FAM186A: variants seen among roughly 807,000 people sequenced by gnomAD.
The protein encoded by FAM186A is family with sequence similarity 186 member A.
FAM186A carries 163 observed loss-of-function variants against 216.8 expected under a neutral mutation model. The observed-to-expected ratio is 0.75, with a 90% CI of 0.66 to 0.86. The LOEUF is 0.86. FAM186A is among the 40% of genes least tolerant of loss of function. The probability of loss-of-function intolerance (pLI) is 0.00; values close to 1 mark genes in which losing one functional copy is unlikely to be tolerated. For missense variants in FAM186A, 2,184 were observed against 2,746.2 expected, an observed-to-expected ratio of 0.80 and a Z score of 4.58; for synonymous variants, 805 against 1,025.3, an observed-to-expected ratio of 0.79 and a Z score of 4.10.
At position 50,351,268 on chromosome 12, in the gene FAM186A, G is replaced by A. The variant is rs774143221; in HGVS notation, c.5564C>T (p.Pro1855Leu). Reference sequence around the variant, plus strand: ...AACTAAGGGCTGCCCAGGAGAAAGAGGAGCCCAGAGACTTGGAATCTGTCC... The same window carrying A: ...AACTAAGGGCTGCCCAGGAGAAAGAAGAGCCCAGAGACTTGGAATCTGTCC... ...TSGQIPSLWA[P>L]LSPGQPLVPE... Residue 1855 changes from proline to leucine, a missense_variant, in exon 4 of 8, where the codon CCT (proline) becomes CTT (leucine). Coordinates refer to ENST00000327337, the MANE Select transcript of FAM186A (RefSeq NM_001145475.3). 3 of 1,550,434 alleles carry A rather than the reference G, an allele frequency of 1.9e-6. No homozygotes were observed. The highest frequency in any genetic ancestry group is 1.2e-5 in the South Asian group (1 of 83,960).
intron 1 of FAM186A, among the ~76,000 whole-genome samples, chr12:50,380,110 T>A (rs944486752): frequency 6.6e-6 from 1 of 152,218 alleles, no homozygotes; most frequent in African/African-American, 2.4e-5. Context: ...AACCAACCTG[T>A]ATTTGGGCTG....
Position 50,331,716 on chromosome 12 carries a change from A to G in FAM186A, c.6802T>C (p.Leu2268=). ...TTFVQKPFLK[L]LMEEDRTSDI... ...GAGGTTCTGTCCTCTTCCATTAGTAATTTTAAGAATGGCTTTTGAACAAAT... is the reference window on the plus strand; with the variant it reads ...GAGGTTCTGTCCTCTTCCATTAGTAGTTTTAAGAATGGCTTTTGAACAAAT... Residue 2268 remains leucine, a synonymous_variant, in exon 6 of 8, where the codon TTA becomes CTA. Coordinates refer to ENST00000327337, the MANE Select transcript of FAM186A (RefSeq NM_001145475.3). 1.3e-6 allele frequency: 2 copies of G among 1,549,338 alleles called. No homozygotes were observed. The highest frequency in any genetic ancestry group is 1.7e-6 in the Non-Finnish European group (2 of 1,146,588).
At chr12:50,394,201 G>A (rs754163143) in intron 1 of FAM186A, among the ~76,000 whole-genome samples, 2 of 152,132 alleles carry the variant, frequency 1.3e-5, no homozygotes, top group Non-Finnish European at 2.9e-5. Flanking sequence ...TTACAGGCAT[G>A]AGCTACTTAC....
intron 4 of FAM186A, among the ~76,000 whole-genome samples, chr12:50,344,030 G>A (rs1457797338): frequency 1.3e-5 from 2 of 148,582 alleles, no homozygotes; most frequent in Non-Finnish European, 3.0e-5. Flanking sequence ...AGGATTACAG[G>A]ATAAGCCACC....
chr12:50,377,591 G>T (rs4636745), intron 1 of FAM186A, among the ~76,000 whole-genome samples: 126,164 of 151,880 alleles, frequency 0.83, 54,484 homozygotes, highest in Non-Finnish European at 0.95. Flanking sequence ...CTAGCACTTT[G>T]GGAGGCCGAG....
chr12:50,358,837 C>T (rs945558119), intron 3 of FAM186A, among the ~76,000 whole-genome samples: 5 of 150,648 alleles, frequency 3.3e-5, no homozygotes, highest in African/African-American at 7.3e-5. Context: ...GCAGGAGAAT[C>T]GCTTGAACCC....
At chr12:50,386,736 T>G (rs1431642303) in intron 1 of FAM186A, among the ~76,000 whole-genome samples, 1 of 149,300 alleles carries the variant, frequency 6.7e-6, no homozygotes, top group East Asian at 2.0e-4. Flanking sequence ...GGTGCGCACC[T>G]GTAATCCCAG....
Position 50,396,453 on chromosome 12 carries a change from T to A in FAM186A, c.32A>T (p.Asn11Ile). MFFKMKNEIDNDPESEKCIKD... is the reference protein window; with the variant it reads MFFKMKNEIDIDPESEKCIKD... ...GATGCATTTTTCTGATTCAGGGTCA[T>A]TGTCTATCTCATTTTTCATTTTGAA... The change falls in exon 1 of 8, where the codon AAT becomes ATT. Residue 11 changes from asparagine to isoleucine, a missense_variant. By Grantham distance (149) the Asn-to-Ile change is moderately radical. Coordinates refer to ENST00000327337, the MANE Select transcript of FAM186A (RefSeq NM_001145475.3). 1 of 1,544,954 alleles carries A rather than the reference T, an allele frequency of 6.5e-7. No individual in the cohort carries two copies. The highest frequency in any genetic ancestry group is 8.7e-7 in the Non-Finnish European group (1 of 1,145,524).
In FAM186A at chr12:50,363,181, T is replaced by C; in HGVS notation, c.376A>G (p.Thr126Ala). Reference protein sequence around the residue: ...YAKTIEIREKTLANILAWLEE... With the variant: ...YAKTIEIREKALANILAWLEE... ...AACCAGGCCAGAATGTTGGCAAGAG[T>C]CTTTTCTCTTATTTCAATAGTCTTA... The change falls in exon 2 of 8, where the codon ACT (threonine) becomes GCT (alanine). Residue 126 changes from threonine (T) to alanine (A), a missense_variant. By Grantham distance (58) the Thr-to-Ala change is moderately conservative. Coordinates refer to ENST00000327337, the MANE Select transcript of FAM186A (RefSeq NM_001145475.3). 6.4e-7 allele frequency: 1 copy of C among 1,550,946 alleles called. No homozygotes were observed. The highest frequency in any genetic ancestry group is 1.2e-5 in the South Asian group (1 of 83,988).
In FAM186A at chr12:50,330,624, T is replaced by A. The variant is rs1177458664; in HGVS notation, c.6983A>T (p.Gln2328Leu). ...GGYPDIPRLL[Q>L]LEVQSTFRKS... is the part of the protein sequence containing the mutation. Reference sequence around the variant, plus strand: ...TCGGAAGGTAGACTGCACTTCTAACTGAAGCAGCCTGGGAATATCTGGGTA... The same window carrying A: ...TCGGAAGGTAGACTGCACTTCTAACAGAAGCAGCCTGGGAATATCTGGGTA... The change falls in exon 7 of 8, where the codon CAG becomes CTG. Residue 2328 changes from glutamine (Q) to leucine (L), a missense_variant. By Grantham distance (113) the Gln-to-Leu change is moderately radical (BLOSUM62 -2). This residue lies in a region of FAM186A where 721 missense variants were observed against 816.4 expected (regional missense o/e 0.88). Transcript: ENST00000327337. The A allele has an allele frequency of 6.4e-7, 1 of 1,550,710 alleles. No homozygotes were observed. Among genetic ancestry groups the A allele is most frequent in the Non-Finnish European group, 8.7e-7 (1 of 1,146,636 alleles).
intron 3 of FAM186A, among the ~76,000 whole-genome samples, chr12:50,356,567 G>T (rs963967181): frequency 6.6e-6 from 1 of 152,082 alleles, no homozygotes; most frequent in Non-Finnish European, 1.5e-5. Flanking sequence ...CAGCCTCCCT[G>T]CCTGAGTTGC....
intron 3 of FAM186A, among the ~76,000 whole-genome samples, chr12:50,360,409 G>A (rs936637189): frequency 1.2e-4 from 18 of 149,992 alleles, no homozygotes; most frequent in Non-Finnish European, 2.4e-4. Flanking sequence ...TTTTGGCTGG[G>A]TGCAGTGGCT....
At chr12:50,387,836 G>A (rs1057043607) in intron 1 of FAM186A, among the ~76,000 whole-genome samples, 1 of 152,156 alleles carries the variant, frequency 6.6e-6, no homozygotes, top group Admixed American at 6.5e-5. Context: ...TCTGCAGCTC[G>A]ACTTTACAGG....
chr12:50,350,449 A>G lies in FAM186A; in HGVS notation c.6383T>C (p.Leu2128Pro). Reference sequence around the variant, plus strand: ...AGCCATTGTGTGTAGCTGTGAAGGGAGTCCACAAGTTTTTATAGCCTGATT... The same window carrying G: ...AGCCATTGTGTGTAGCTGTGAAGGGGGTCCACAAGTTTTTATAGCCTGATT... The part of the protein sequence containing the change: ...LLNQAIKTCG[L>P]PSQLHTMART... The change falls in exon 4 of 8, where the codon CTC becomes CCC. Residue 2128 changes from leucine to proline, a missense_variant. This residue lies in a region of FAM186A where 721 missense variants were observed against 816.4 expected (regional missense o/e 0.88). Transcript: ENST00000327337. The G allele has an allele frequency of 6.4e-7, 1 of 1,551,516 alleles. No individual in the cohort carries two copies. The highest frequency in any genetic ancestry group is 8.7e-7 in the Non-Finnish European group (1 of 1,146,964).
intron 4 of FAM186A, among the ~76,000 whole-genome samples, chr12:50,342,686 C>G (rs1942776159): frequency 6.6e-6 from 1 of 151,414 alleles, no homozygotes; most frequent in South Asian, 2.1e-4. Flanking sequence ...CCATGTTAGC[C>G]AGGATGGTCT....
At position 50,355,308 on chromosome 12, in the gene FAM186A, G is replaced by A. The variant is rs773988893; in HGVS notation, c.1524C>T (p.Ser508=). The change falls in exon 4 of 8, where the codon TCC becomes TCT. Residue 508 remains serine, a synonymous_variant. Coordinates refer to ENST00000327337, the MANE Select transcript of FAM186A (RefSeq NM_001145475.3). ...GTGACTTTGATTTATCTTCAGAAAA[G>A]GATTTCATTTCTTTTCTTTTCTTTT... ...VLKKKRKEMK[S]FSEDKSKSPT... is the part of the protein sequence containing the mutation. 511 of 1,550,424 alleles carry A rather than the reference G, an allele frequency of 3.3e-4. 1 individual carries two copies. The highest frequency in any genetic ancestry group is 4.0e-4 in the Non-Finnish European group (462 of 1,146,808).
At chr12:50,372,027 G>A (rs1404267837) in intron 1 of FAM186A, among the ~76,000 whole-genome samples, 1 of 151,968 alleles carries the variant, frequency 6.6e-6, no homozygotes, top group Non-Finnish European at 1.5e-5. Flanking sequence ...GGTCAGGCTG[G>A]TCTCAAACTC....
intron 1 of FAM186A, among the ~76,000 whole-genome samples, chr12:50,379,576 CG>C (rs1268484020): frequency 8.6e-5 from 13 of 151,498 alleles, no homozygotes; most frequent in African/African-American, 2.9e-4. Flanking sequence ...CACCTGAGGT[CG>C]GGAGTTAGAG....
At chr12:50,327,730 G>A (rs1942619518) in intron 7 of FAM186A, among the ~76,000 whole-genome samples, 1 of 151,968 alleles carries the variant, frequency 6.6e-6, no homozygotes, top group South Asian at 2.1e-4. Context: ...TTTTGGTACA[G>A]ACTGGGGTCT....
Sources: allele counts gnomAD v4.1 joint callset (sites outside exome capture counted in the v4.1 genomes callset), GRCh38; gene constraint gnomAD v4.1.1; regional missense constraint gnomAD v4.1.1; transcripts MANE v1.5; gene names NCBI Gene and HGNC (gene_info 2026-07-23, HGNC 2026-07-21).